Variants in BARD1 observed in about 807,000 individuals in gnomAD.
BARD1 encodes the protein BRCA1 associated RING domain 1.
Under a neutral mutation model 77.0 loss-of-function variants are expected in BARD1, and 73 were observed. That is an observed-to-expected ratio of 0.95 (90% CI 0.79 to 1.15). BARD1 has a LOEUF of 1.15. BARD1 is among the 50% of genes most tolerant of loss of function. The pLI, the probability that BARD1 is intolerant of heterozygous loss-of-function variation, is 0.00. For missense variants in BARD1, 993 were observed against 938.8 expected (o/e 1.06, Z -0.75); for synonymous variants, 384 against 338.0 (o/e 1.14, Z -1.49).
intron 1 of BARD1, among the ~76,000 whole-genome samples, chr2:214,800,177 T>C (rs1376187394): frequency 6.6e-6 from 1 of 152,246 alleles, no homozygotes; most frequent in African/African-American, 2.4e-5. Flanking sequence ...ACTCTAGCAA[T>C]AAGGTGCTAT....
intron 2 of BARD1, among the ~76,000 whole-genome samples, chr2:214,793,064 C>G (rs921916953): frequency 2.0e-5 from 3 of 152,150 alleles, no homozygotes; most frequent in African/African-American, 7.2e-5. Flanking sequence ...CGATCCCCCC[C>G]ACAAGCCCAT....
chr2:214,794,420 A>C (rs1695666074), intron 2 of BARD1, among the ~76,000 whole-genome samples: 1 of 152,222 alleles, frequency 6.6e-6, no homozygotes, highest in African/African-American at 2.4e-5. Flanking sequence ...CAATAGACTG[A>C]ATATATAAGT....
chr2:214,751,859 C>T (rs1220786324), intron 7 of BARD1, among the ~76,000 whole-genome samples: 3 of 152,172 alleles, frequency 2.0e-5, no homozygotes, highest in Non-Finnish European at 4.4e-5. Flanking sequence ...TTTTGATGCT[C>T]GCTAGTCTCC....
chr2:214,781,753 T>C (rs180794235), intron 3 of BARD1, among the ~76,000 whole-genome samples: 20 of 152,258 alleles, frequency 1.3e-4, no homozygotes, highest in African/African-American at 4.6e-4. Flanking sequence ...ATGAAACTTA[T>C]ATTCCAAATA....
intron 4 of BARD1, among the ~76,000 whole-genome samples, chr2:214,772,442 TG>T (rs1694546521): frequency 6.6e-6 from 1 of 151,454 alleles, no homozygotes; most frequent in Non-Finnish European, 1.5e-5. Flanking sequence ...TAATTCTACA[TG>T]GTAATGCAAA....
intron 6 of BARD1, among the ~76,000 whole-genome samples, chr2:214,754,875 T>C (rs1693621744): frequency 6.6e-6 from 1 of 152,186 alleles, no homozygotes; most frequent in African/African-American, 2.4e-5. Context: ...AAATAGAGCC[T>C]ATTAAATCCA....
In BARD1 at chr2:214,780,609, A is replaced by G. The variant is rs76824305; in HGVS notation, c.1265T>C (p.Val422Ala). 1.6e-5 allele frequency: 26 copies of G among 1,613,822 alleles called. No individual in the cohort carries two copies. The highest frequency in any genetic ancestry group is 2.2e-5 in the Non-Finnish European group (26 of 1,179,958). Residue 422 changes from valine to alanine, a missense_variant, in exon 4 of 11, where the codon GTG (valine) becomes GCG (alanine). Val to Ala is a moderately conservative substitution (Grantham distance 64). Transcript: ENST00000260947. ...AGTCTCTCCTCTATGATTTCTTTTC[A>G]CAGCCATATTGGGCAACAGCTTCAT... ...SAMKLLPNMA[V>A]KRNHRGETLL...
At chr2:214,730,142 CT>C in intron 10 of BARD1, 1 of 468,612 alleles carries the variant, frequency 2.1e-6, no homozygotes, top group Non-Finnish European at 3.9e-6. Context: ...TTCTTTCAAG[CT>C]ACTTCCTGTA....
chr2:214,762,557 T>C (rs913980320), intron 6 of BARD1, among the ~76,000 whole-genome samples: 3 of 152,188 alleles, frequency 2.0e-5, no homozygotes, highest in African/African-American at 4.8e-5. Context: ...GATATCAAAA[T>C]CTACCGACAA....
chr2:214,728,720 T>TA lies in BARD1; in HGVS notation c.2289dup (p.Ile764TyrfsTer8). ...AACTCAAAGGACATCACACAGTCTA[T>TA]AAACCAGCTCGAAGGAGCCTTCCAG... On this transcript the variant is annotated frameshift_variant, in exon 11 of 11. Transcript: ENST00000260947. LOFTEE classifies it high-confidence loss of function. 2.5e-6 allele frequency: 4 copies of TA among 1,614,190 alleles called. No individual in the cohort carries two copies. Among genetic ancestry groups the TA allele is most frequent in the Non-Finnish European group, 3.4e-6 (4 of 1,180,030 alleles).
chr2:214,771,129 T>A (rs1052661729), intron 4 of BARD1, among the ~76,000 whole-genome samples: 1 of 152,176 alleles, frequency 6.6e-6, no homozygotes, highest in African/African-American at 2.4e-5. Flanking sequence ...CACCACTCAC[T>A]GCAAATATAA....
At chr2:214,771,943 A>AAAG (rs59814038) in intron 4 of BARD1, among the ~76,000 whole-genome samples, 9 of 143,418 alleles carry the variant, frequency 6.3e-5, no homozygotes, top group South Asian at 4.3e-4. Context: ...AAAAAAAAAA[A>AAAG]GCAACATTTT....
intron 6 of BARD1, among the ~76,000 whole-genome samples, chr2:214,753,230 T>C (rs1693541081): frequency 6.6e-6 from 1 of 152,130 alleles, no homozygotes; most frequent in Non-Finnish European, 1.5e-5. Flanking sequence ...CAAGTTCCAA[T>C]GGCTTAACTA....
Position 214,781,186 on chromosome 2 carries a change from C to A in BARD1, c.688G>T (p.Asp230Tyr), listed in dbSNP as rs1574819948. 6.3e-7 allele frequency: 1 copy of A among 1,587,286 alleles called. No individual in the cohort carries two copies. The highest frequency in any genetic ancestry group is 8.5e-7 in the Non-Finnish European group (1 of 1,172,824). Residue 230 changes from aspartate to tyrosine, a missense_variant, in exon 4 of 11, where the codon GAC becomes TAC. Transcript: ENST00000260947. ...TTTTGCTTAGATTCCTCTTTGGAGT[C>A]AAATTCACCATCTTCTTTTTCTGCC... is the stretch of plus-strand genomic sequence containing the variant. ...LEAEKEDGEF[D>Y]SKEESKQKLV...
intron 7 of BARD1, among the ~76,000 whole-genome samples, chr2:214,751,443 G>A (rs1295720580): frequency 6.6e-6 from 1 of 151,584 alleles, no homozygotes; most frequent in Non-Finnish European, 1.5e-5. Context: ...GATTACAGGT[G>A]CGATCCACTG....
At chr2:214,777,709 G>GT (rs1267716171) in intron 4 of BARD1, among the ~76,000 whole-genome samples, 1 of 152,148 alleles carries the variant, frequency 6.6e-6, no homozygotes, top group Non-Finnish European at 1.5e-5. Context: ...TCCAGTTGTA[G>GT]TAACTCTTTC....
intron 4 of BARD1, among the ~76,000 whole-genome samples, chr2:214,775,338 C>G (rs1249633805): frequency 6.6e-6 from 1 of 152,098 alleles, no homozygotes; most frequent in African/African-American, 2.4e-5. Flanking sequence ...ATTCAATATT[C>G]TTGTGTCCCA....
intron 1 of BARD1, among the ~76,000 whole-genome samples, chr2:214,800,373 A>C (rs565396987): frequency 6.6e-6 from 1 of 152,250 alleles, no homozygotes; most frequent in East Asian, 1.9e-4. Flanking sequence ...GTGTGAGCCA[A>C]GCTGAGAGAG....
chr2:214,763,240 T>C (rs1694043200), intron 6 of BARD1, among the ~76,000 whole-genome samples: 1 of 152,208 alleles, frequency 6.6e-6, no homozygotes, highest in Admixed American at 6.5e-5. Flanking sequence ...CAGAAAGCCT[T>C]CTGTGACTTC....
Sources: allele counts gnomAD v4.1 joint callset (sites outside exome capture counted in the v4.1 genomes callset), GRCh38; gene constraint gnomAD v4.1.1; transcripts MANE v1.5; gene names NCBI Gene and HGNC (gene_info 2026-07-23, HGNC 2026-07-21).